The following GLO1 variants were observed in gnomAD, a reference collection of about 807,000 sequenced individuals.
GLO1 encodes the protein glyoxalase I.
GLO1 carries 28 observed loss-of-function variants against 26.0 expected under a neutral mutation model. That is an observed-to-expected ratio of 1.08 (90% CI 0.80 to 1.48). GLO1 has a LOEUF of 1.48. Ranked by LOEUF, GLO1 falls within the 40% of genes most tolerant of loss-of-function variation. The pLI is 0.00. For synonymous variants in GLO1, 78 were observed against 77.6 expected, an observed-to-expected ratio of 1.00 and a Z score of -0.03; for missense variants, 225 against 224.8, an observed-to-expected ratio of 1.00 and a Z score of -0.01.
rs1761261250 is a variant in GLO1 at position 38,677,007 on chromosome 6, G to C, written c.*288C>G. On this transcript the variant is annotated 3_prime_UTR_variant, in exon 6 of 6. Coordinates refer to ENST00000373365, the MANE Select transcript of GLO1 (RefSeq NM_006708.3). ...AGATTTGAAGGGAAGTAATATTTAG[G>C]TGGCAGAAGAAGGCAAATGCAGCCT... is the stretch of plus-strand genomic sequence containing the variant. 1 of 281,902 alleles carries C rather than the reference G, an allele frequency of 3.5e-6. No individual in the cohort carries two copies. The allele number at this position is 281,902 out of a possible 1,614,324, so 17.5% of individuals were successfully genotyped here.
At chr6:38,702,372 AG>A (rs1686687915) in intron 1 of GLO1, among the ~76,000 whole-genome samples, 1 of 152,166 alleles carries the variant, frequency 6.6e-6, no homozygotes, top group Non-Finnish European at 1.5e-5. Context: ...GTAAAACGAG[AG>A]GGTAAGAGAA....
chr6:38,679,482 A>T (rs1443582146), intron 5 of GLO1, among the ~76,000 whole-genome samples: 8 of 152,036 alleles, frequency 5.3e-5, no homozygotes, highest in Non-Finnish European at 1.2e-4. Context: ...GCCCAGACCC[A>T]AGGACTATTT....
chr6:38,703,110 A>G lies in GLO1; in HGVS notation c.-56T>C, dbSNP rs1050280504. ...CCCAAGGAACGGAGGAGTCACCCAC[A>G]CTACGCCTCGGCCCTGTGCCGCCTT... On this transcript the variant is annotated 5_prime_UTR_variant, in exon 1 of 6. Transcript: ENST00000373365. The G allele has an allele frequency of 3.9e-6, 4 of 1,015,074 alleles. No homozygotes were observed. Among genetic ancestry groups the G allele is most frequent in the Non-Finnish European group, 6.0e-6 (4 of 661,772 alleles). 62.9% of individuals were successfully genotyped at this position (1,015,074 alleles called of 1,614,324 possible).
chr6:38,689,612 A>G (rs1032422169), intron 1 of GLO1, among the ~76,000 whole-genome samples: 6 of 152,212 alleles, frequency 3.9e-5, no homozygotes, highest in Admixed American at 3.3e-4. Context: ...TTATCTTACA[A>G]TCTTTCTGGA....
At chr6:38,691,672 C>T (rs1050132010) in intron 1 of GLO1, among the ~76,000 whole-genome samples, 1 of 151,934 alleles carries the variant, frequency 6.6e-6, no homozygotes. Flanking sequence ...CAATACAATC[C>T]TTACAAAACT....
At chr6:38,699,746 C>T (rs1051769188) in intron 1 of GLO1, among the ~76,000 whole-genome samples, 2 of 152,046 alleles carry the variant, frequency 1.3e-5, no homozygotes, top group African/African-American at 4.8e-5. Context: ...AAAACTTCAC[C>T]CTAGTAAATT....
intron 1 of GLO1, among the ~76,000 whole-genome samples, chr6:38,693,415 T>C (rs1255196448): frequency 1.3e-5 from 2 of 152,168 alleles, no homozygotes; most frequent in African/African-American, 4.8e-5. Flanking sequence ...TCTATTCTAC[T>C]GGTCTTTTCA....
At chr6:38,699,537 G>T (rs535784818) in intron 1 of GLO1, among the ~76,000 whole-genome samples, 1 of 152,114 alleles carries the variant, frequency 6.6e-6, no homozygotes, top group Non-Finnish European at 1.5e-5. Context: ...GCCTATAAAC[G>T]GACGTGCAAG....
rs1292439180 is a variant in GLO1, at chr6:38,682,096, T to C, written c.382A>G (p.Ile128Val). ...TATACATCAGGAACAGCAATTCCAATATGACCTTACGTGATACCCCCCGAA... is the reference window on the plus strand; with the variant it reads ...TATACATCAGGAACAGCAATTCCAACATGACCTTACGTGATACCCCCCGAA... The part of the protein sequence containing the change: ...GNSDPRGFGH[I>V]GIAVPDVYSA... The change falls in exon 5 of 6, where the codon ATT (isoleucine) becomes GTT (valine). Residue 128 changes from isoleucine to valine, a missense_variant. Coordinates refer to ENST00000373365, the MANE Select transcript of GLO1 (RefSeq NM_006708.3). 1.3e-6 allele frequency: 2 copies of C among 1,558,544 alleles called. No individual in the cohort carries two copies. Among genetic ancestry groups the C allele is most frequent in the Non-Finnish European group, 1.8e-6 (2 of 1,129,290 alleles).
rs574361545 is a variant in GLO1 at position 38,681,928 on chromosome 6, G to A, written c.466+84C>T. The A allele has an allele frequency of 8.3e-5, 63 of 760,340 alleles. No individual in the cohort carries two copies. In the East Asian group the frequency reaches 1.5e-3, roughly 18 times the overall value. 47.1% of individuals were successfully genotyped at this position (760,340 alleles called of 1,614,324 possible). Reference sequence around the variant, plus strand: ...GACTTCTGTTACTTGTAGCCAAAAGGGTTTTACTACAACAGTGGCCTCTGT... The same window carrying A: ...GACTTCTGTTACTTGTAGCCAAAAGAGTTTTACTACAACAGTGGCCTCTGT... On this transcript the variant is annotated intron_variant, in intron 5 of 5. Coordinates refer to ENST00000373365, the MANE Select transcript of GLO1 (RefSeq NM_006708.3).
At chr6:38,700,225 C>T (rs926333550) in intron 1 of GLO1, among the ~76,000 whole-genome samples, 1 of 152,230 alleles carries the variant, frequency 6.6e-6, no homozygotes, top group South Asian at 2.1e-4. Context: ...TATCAAAACA[C>T]ATTTTTGCTA....
At chr6:38,700,935 A>G (rs1219188910) in intron 1 of GLO1, among the ~76,000 whole-genome samples, 1 of 152,066 alleles carries the variant, frequency 6.6e-6, no homozygotes, top group African/African-American at 2.4e-5. Flanking sequence ...GCCCGCCACC[A>G]TGCCCAGCTA....
chr6:38,688,419 T>A (rs1415939121), intron 1 of GLO1, among the ~76,000 whole-genome samples: 6 of 148,098 alleles, frequency 4.1e-5, no homozygotes, highest in Non-Finnish European at 6.0e-5. Flanking sequence ...GATACCAAAA[T>A]AAAAAAAAAA....
rs1761402531 is a variant in GLO1 at position 38,682,842 on chromosome 6, ACT to A, written c.340_341del (p.Ser114LeufsTer20). The A allele has an allele frequency of 4.4e-6, 7 of 1,606,830 alleles. No individual in the cohort carries two copies. Among genetic ancestry groups the A allele is most frequent in the Non-Finnish European group, 6.0e-6 (7 of 1,173,326 alleles). On this transcript the variant is annotated frameshift_variant, in exon 4 of 6. Transcript: ENST00000373365. LOFTEE classifies it high-confidence loss of function. Reference protein sequence around the residue: ...NWGTEDDETQSYHNGNSDPRG... With the variant: ...NWGTEDDETQXYHNGNSDPRG... ...GAGGGTCTGAATTGCCATTGTGGTA[ACT>A]CTGGGTCTCATCATCTTCAGTGCCC...
intron 1 of GLO1, among the ~76,000 whole-genome samples, chr6:38,693,685 C>CTCTCTCTCTATATATATATATATATA (rs869232489): frequency 1.2e-5 from 1 of 86,442 alleles, no homozygotes; most frequent in Non-Finnish European, 2.4e-5. Flanking sequence ...CTCTCTCTCT[C>CTCTCTCTCTATATATATATATATATA]TATATATATA....
intron 3 of GLO1, chr6:38,683,227 T>G (rs947605191): frequency 4.3e-5 from 8 of 186,610 alleles, no homozygotes; most frequent in Admixed American, 1.2e-4. Flanking sequence ...CTTACTTGTT[T>G]AGAGTCACAG....
In GLO1 at chr6:38,695,392, C is replaced by T. The variant is rs562172578; in HGVS notation, c.84+7579G>A. ...ACATATACCCATGTATATGTATACA[C>T]ACACACACATAACTTATCAGTCATT... On this transcript the variant is annotated intron_variant, in intron 1 of 5. Coordinates refer to ENST00000373365, the MANE Select transcript of GLO1 (RefSeq NM_006708.3). 3.3e-5 allele frequency among the ~76,000 whole-genome samples: 5 copies of T among 152,166 alleles called. No homozygotes were observed. In the South Asian group the frequency reaches 1.0e-3, roughly 32 times the overall value.
intron 1 of GLO1, among the ~76,000 whole-genome samples, chr6:38,691,247 G>T (rs1238265283): frequency 2.0e-5 from 3 of 151,904 alleles, no homozygotes; most frequent in Non-Finnish European, 2.9e-5. Context: ...AAATAATAAG[G>T]TTTTTTTCGG....
chr6:38,690,304 T>C (rs1456341022), intron 1 of GLO1, among the ~76,000 whole-genome samples: 1 of 152,210 alleles, frequency 6.6e-6, no homozygotes, highest in Non-Finnish European at 1.5e-5. Context: ...AGAAAGTAAG[T>C]GGCAGAGAAA....
Sources: allele counts gnomAD v4.1 joint callset (sites outside exome capture counted in the v4.1 genomes callset), GRCh38; gene constraint gnomAD v4.1.1; transcripts MANE v1.5; gene names NCBI Gene and HGNC (gene_info 2026-07-23, HGNC 2026-07-21).